SMAD9: variants seen among roughly 807,000 people sequenced by gnomAD.
SMAD9 encodes MAD homolog 9.
Under a neutral mutation model 46.1 loss-of-function variants are expected in SMAD9, and 36 were observed. That is an observed-to-expected ratio of 0.78 (90% CI 0.60 to 1.03). The LOEUF (loss-of-function observed/expected upper bound fraction) is 1.03. Ranked by LOEUF, SMAD9 falls within the 50% of genes least tolerant of loss-of-function variation. SMAD9 has a pLI of 0.00. For missense variants in SMAD9, 572 were observed against 599.8 expected (o/e 0.95, Z 0.48); for synonymous variants, 245 against 237.1 (o/e 1.03, Z -0.31).
intron 1 of SMAD9, among the ~76,000 whole-genome samples, chr13:36,894,583 G>A (rs1273201070): frequency 1.3e-5 from 2 of 152,046 alleles, no homozygotes; most frequent in South Asian, 2.1e-4. Flanking sequence ...GAAATTATTC[G>A]TTATAGACTA....
chr13:36,874,854 CAAAAAAAA>C (rs529721275), intron 2 of SMAD9, among the ~76,000 whole-genome samples: 1 of 66,066 alleles, frequency 1.5e-5, no homozygotes, highest in African/African-American at 6.1e-5. Context: ...GACTCCGTCC[CAAAAAAAA>C]AAAAAAAAAA....
At chr13:36,886,821 G>T (rs1363523999) in intron 1 of SMAD9, among the ~76,000 whole-genome samples, 1 of 152,200 alleles carries the variant, frequency 6.6e-6, no homozygotes, top group Non-Finnish European at 1.5e-5. Flanking sequence ...GGGCTGTAGA[G>T]TGAGACCTCC....
intron 5 of SMAD9, among the ~76,000 whole-genome samples, chr13:36,854,364 C>T (rs903174051): frequency 1.3e-5 from 2 of 151,614 alleles, no homozygotes; most frequent in Middle Eastern, 3.2e-3. Context: ...TGTACATACA[C>T]AAATTTTATT....
chr13:36,865,473 T>C (rs1362524126), intron 5 of SMAD9, 64 bp downstream of exon 5: 2 of 1,381,642 alleles, frequency 1.4e-6, no homozygotes, highest in Non-Finnish European at 2.1e-6. Context: ...TCACGTGCAC[T>C]TCTACACACA....
At chr13:36,870,156 T>C (rs1283841211) in intron 3 of SMAD9, among the ~76,000 whole-genome samples, 1 of 152,198 alleles carries the variant, frequency 6.6e-6, no homozygotes, top group Non-Finnish European at 1.5e-5. Context: ...TGTTGGTGTC[T>C]GTCCTGCTTG....
rs2058734791 is a variant in SMAD9, at chr13:36,920,212, G to GCCC, written c.-284_-283insGGG. On this transcript the variant is annotated 5_prime_UTR_variant, in exon 1 of 7. Coordinates refer to ENST00000379826, the MANE Select transcript of SMAD9 (RefSeq NM_001127217.3). The stretch of plus-strand genomic sequence containing the variant: ...AGCGGCGGCGGCGGCGGCGGCGGCG[G>GCCC]CGGCCCCAGCCGGCGTCAGTCAGAC... 6.9e-6 allele frequency: 1 copy of GCCC among 143,934 alleles called. No homozygotes were observed. The highest frequency in any genetic ancestry group is 1.9e-4 in the South Asian group (1 of 5,176). 8.9% of individuals were successfully genotyped at this position (143,934 alleles called of 1,614,324 possible).
At chr13:36,866,618 C>T (rs2058237472) in intron 4 of SMAD9, among the ~76,000 whole-genome samples, 1 of 152,104 alleles carries the variant, frequency 6.6e-6, no homozygotes, top group Admixed American at 6.6e-5. Flanking sequence ...TATTATTTCT[C>T]TTACAAAAGG....
rs1433653948 is a variant in SMAD9 at position 36,853,614 on chromosome 13, G to A, written c.1065C>T (p.Ile355=). 2 of 1,614,140 alleles carry A rather than the reference G, an allele frequency of 1.2e-6. No homozygotes were observed. The highest frequency in any genetic ancestry group is 1.3e-5 in the African/African-American group (1 of 75,022). ...AGTTGCAGTTCCGGCTCTGCACAAA[G>A]ATGCTGCTGTCACTCACGCACTCGG... ...VYAECVSDSS[I]FVQSRNCNYQ... Residue 355 remains isoleucine, a synonymous_variant, in exon 6 of 7, where the codon ATC becomes ATT. Transcript: ENST00000379826.
rs886050176 is a variant in SMAD9, at chr13:36,920,184, A to AGCGGCGGCG, written c.-256_-255insCGCCGCCGC. On this transcript the variant is annotated 5_prime_UTR_variant, in exon 1 of 7. Transcript: ENST00000379826. ...CGGCGGGGACCGAGACAGCGGCTGC[A>AGCGGCGGCG]GCAGCGGCGGCGGCGGCGGCGGCGG... 2 of 72,920 alleles carry AGCGGCGGCG rather than the reference A, an allele frequency of 2.7e-5. No homozygotes were observed. Among genetic ancestry groups the AGCGGCGGCG allele is most frequent in the Middle Eastern group, 9.1e-3 (1 of 110 alleles). 4.5% of individuals were successfully genotyped at this position (72,920 alleles called of 1,614,324 possible). A position where few individuals can be genotyped will look rare whatever the true frequency, so the allele number is the denominator to read the frequency against.
intron 1 of SMAD9, among the ~76,000 whole-genome samples, chr13:36,887,040 G>GTTTTTTTTTTTTTT (rs200264324): frequency 2.0e-5 from 2 of 102,542 alleles, no homozygotes; most frequent in African/African-American, 3.8e-5. Flanking sequence ...CTTTGAATGG[G>GTTTTTTTTTTTTTT]TTTTTTTTTT....
chr13:36,919,902 C>T (rs1209599525), intron 1 of SMAD9, among the ~76,000 whole-genome samples: 3 of 150,952 alleles, frequency 2.0e-5, no homozygotes, highest in Admixed American at 1.3e-4. Context: ...CCAAGCCTCA[C>T]GCCGAGGAGC....
intron 2 of SMAD9, among the ~76,000 whole-genome samples, chr13:36,878,308 CT>C (rs1485034040): frequency 6.6e-6 from 1 of 152,070 alleles, no homozygotes; most frequent in Admixed American, 6.6e-5. Context: ...TGATACTGTA[CT>C]TTTGCTGTAC....
intron 2 of SMAD9, among the ~76,000 whole-genome samples, chr13:36,875,082 G>A (rs2058333778): frequency 6.6e-6 from 1 of 151,854 alleles, no homozygotes; most frequent in African/African-American, 2.4e-5. Flanking sequence ...GAATTATTTA[G>A]AAGAGTTTGT....
rs192306556 is a variant in SMAD9 at position 36,845,520 on chromosome 13, T to C, written c.*3156A>G. On this transcript the variant is annotated 3_prime_UTR_variant, in exon 7 of 7. Transcript: ENST00000379826. ...ACCGAAATGTTACTACAGTGTTCTC[T>C]ATTGTGTGATCCTTGTCCGTGGCAA... 6.6e-6 allele frequency: 1 copy of C among 152,334 alleles called. No individual in the cohort carries two copies. The highest frequency in any genetic ancestry group is 1.9e-4 in the East Asian group (1 of 5,184). 9.4% of individuals were successfully genotyped at this position (152,334 alleles called of 1,614,324 possible).
At position 36,853,770 on chromosome 13, in the gene SMAD9, T is replaced by C. The variant is rs1196151227; in HGVS notation, c.1004-95A>G. ...AACCCTAGGAGATGTGACTCTCCCA[T>C]CAGGTTGTCAGATCACTGATCAGAT... On this transcript the variant is annotated intron_variant, in intron 5 of 6. Coordinates refer to ENST00000379826, the MANE Select transcript of SMAD9 (RefSeq NM_001127217.3). 4.0e-6 allele frequency: 5 copies of C among 1,239,600 alleles called. No homozygotes were observed. The East Asian group carries it at 1.2e-4, about 29-fold the overall frequency. 76.8% of individuals were successfully genotyped at this position (1,239,600 alleles called of 1,614,324 possible).
chr13:36,915,255 C>G (rs1318634238), intron 1 of SMAD9, among the ~76,000 whole-genome samples: 1 of 152,146 alleles, frequency 6.6e-6, no homozygotes, highest in Non-Finnish European at 1.5e-5. Flanking sequence ...TGTATGCTAT[C>G]CAGATTCCTT....
intron 5 of SMAD9, among the ~76,000 whole-genome samples, chr13:36,857,972 G>A (rs969478881): frequency 1.3e-5 from 2 of 152,016 alleles, no homozygotes; most frequent in African/African-American, 2.4e-5. Context: ...TGTAATAATG[G>A]TATTATTTCT....
chr13:36,870,932 C>T (rs1193610479), intron 3 of SMAD9, among the ~76,000 whole-genome samples: 3 of 152,110 alleles, frequency 2.0e-5, no homozygotes, highest in Admixed American at 6.5e-5. Flanking sequence ...AACGTGGATG[C>T]GCTGGGCAAT....
Position 36,874,713 on chromosome 13 carries a change from C to T in SMAD9, c.413-1798G>A, listed in dbSNP as rs1399899214. ...TCTACTAAAAATACAAAAAATTAGC[C>T]GGGCGTGGTTGCGGGTGCCTGTAGT... On this transcript the variant is annotated intron_variant, in intron 2 of 6. Coordinates refer to ENST00000379826, the MANE Select transcript of SMAD9 (RefSeq NM_001127217.3). Among the ~76,000 whole-genome samples, 7 of 151,604 alleles carry T rather than the reference C, an allele frequency of 4.6e-5. No individual in the cohort carries two copies. The South Asian group carries it at 1.0e-3, about 23-fold the overall frequency.
Sources: gnomAD v4.1 joint callset for allele counts (sites outside exome capture counted in the v4.1 genomes callset) on GRCh38, gnomAD v4.1.1 for gene constraint, MANE v1.5 for transcripts, NCBI Gene and HGNC (gene_info 2026-07-23, HGNC 2026-07-21) for gene names.